ITGB1: variants seen among roughly 807,000 people sequenced by gnomAD.
The protein encoded by ITGB1 is integrin subunit beta 1.
In ITGB1, 24 loss-of-function variants were observed where a neutral mutation model predicts 86.5. That is an observed-to-expected ratio of 0.28 (90% confidence interval 0.20 to 0.39). The LOEUF (loss-of-function observed/expected upper bound fraction) is 0.39. Ranked by LOEUF, ITGB1 falls within the 10% of genes least tolerant of loss-of-function variation. The probability of loss-of-function intolerance (pLI) is 1.00; values close to 1 mark genes in which losing one functional copy is unlikely to be tolerated. For missense variants in ITGB1, 556 were observed against 946.9 expected (o/e 0.59, Z 5.42); for synonymous variants, 323 against 316.8 (o/e 1.02, Z -0.21).
intron 11 of ITGB1, among the ~76,000 whole-genome samples, chr10:32,916,512 T>C (rs934093004): frequency 3.3e-5 from 5 of 152,154 alleles, no homozygotes; most frequent in Admixed American, 3.3e-4. Context: ...CAAAAATCAA[T>C]GTGCAAAAAT....
intron 11 of ITGB1, among the ~76,000 whole-genome samples, chr10:32,913,890 G>A (rs1422021040): frequency 1.3e-5 from 2 of 152,096 alleles, no homozygotes; most frequent in Non-Finnish European, 2.9e-5. Context: ...TGAAATGAAG[G>A]AAAAAATGTT....
At chr10:32,930,452 G>A (rs1268681427) in intron 3 of ITGB1, among the ~76,000 whole-genome samples, 1 of 152,042 alleles carries the variant, frequency 6.6e-6, no homozygotes, top group Non-Finnish European at 1.5e-5. Flanking sequence ...ATATTATGTG[G>A]CACTCTCCCC....
chr10:32,916,563 C>A (rs1305504999), intron 11 of ITGB1, among the ~76,000 whole-genome samples: 1 of 152,026 alleles, frequency 6.6e-6, no homozygotes, highest in East Asian at 1.9e-4. Flanking sequence ...AAACAGAGAG[C>A]CAAATTATGG....
Position 32,908,470 on chromosome 10 carries a change from A to C in ITGB1, c.2229T>G (p.Ile743Met). 1 of 1,612,584 alleles carries C rather than the reference A, an allele frequency of 6.2e-7. No homozygotes were observed. Among genetic ancestry groups the C allele is most frequent in the Non-Finnish European group, 8.5e-7 (1 of 1,178,614 alleles). Residue 743 changes from isoleucine (I) to methionine (M), a missense_variant, in exon 15 of 16, where the codon ATT becomes ATG. By Grantham distance (10) the Ile-to-Met change is conservative (BLOSUM62 1). Coordinates refer to ENST00000302278, the MANE Select transcript of ITGB1 (RefSeq NM_002211.4). ...VAGVVAGIVL[I>M]GLALLLIWKL... ...TCCATATCAGCAGTAATGCAAGGCC[A>C]ATAAGAACAATTCCAGCAACCACAC...
chr10:32,940,871 C>T (rs1055917788), intron 1 of ITGB1, among the ~76,000 whole-genome samples: 3 of 152,242 alleles, frequency 2.0e-5, no homozygotes, highest in African/African-American at 7.2e-5. Flanking sequence ...TTGAACTCTA[C>T]TGGTTTCCCC....
At chr10:32,932,751 G>A (rs1288968411) in intron 2 of ITGB1, 151 bp from the exon 3 acceptor site, 1 of 549,330 alleles carries the variant, frequency 1.8e-6, no homozygotes, top group Non-Finnish European at 3.3e-6. Context: ...CCCAAAGAGA[G>A]CAGGATTTTT....
At chr10:32,913,026 C>T (rs527631850) in intron 11 of ITGB1, among the ~76,000 whole-genome samples, 9 of 152,326 alleles carry the variant, frequency 5.9e-5, no homozygotes, top group East Asian at 3.9e-4. Flanking sequence ...CTGCAGCCTC[C>T]GCTGGTGATA....
At chr10:32,946,754 G>C (rs1347280318) in intron 1 of ITGB1, among the ~76,000 whole-genome samples, 14 of 108,714 alleles carry the variant, frequency 1.3e-4, no homozygotes, top group East Asian at 1.1e-3. Flanking sequence ...ATTTCTGGGG[G>C]GGGGGGGGGG....
At chr10:32,951,819 T>C (rs2095043219) in intron 1 of ITGB1, 1 of 152,200 alleles carries the variant, frequency 6.6e-6, no homozygotes, top group Non-Finnish European at 1.5e-5. Context: ...TGGGGCAAGT[T>C]GTCAAAGATA....
At chr10:32,935,100 G>A (rs1053299078) in intron 2 of ITGB1, among the ~76,000 whole-genome samples, 1 of 152,198 alleles carries the variant, frequency 6.6e-6, no homozygotes, top group East Asian at 1.9e-4. Context: ...CAAAGAGTGA[G>A]AATGTCTTCT....
chr10:32,918,809 T>G (rs1208492650), intron 11 of ITGB1, among the ~76,000 whole-genome samples: 1 of 151,910 alleles, frequency 6.6e-6, no homozygotes, highest in African/African-American at 2.4e-5. Context: ...AATAAACACA[T>G]GCAAAAAAGT....
intron 11 of ITGB1, among the ~76,000 whole-genome samples, chr10:32,917,002 C>T (rs1267180431): frequency 6.6e-6 from 1 of 151,812 alleles, no homozygotes; most frequent in African/African-American, 2.4e-5. Flanking sequence ...AGATATAGAC[C>T]TATGGAACAG....
chr10:32,925,092 G>T (rs1426791602), intron 6 of ITGB1, among the ~76,000 whole-genome samples: 1 of 152,124 alleles, frequency 6.6e-6, no homozygotes, highest in African/African-American at 2.4e-5. Flanking sequence ...TAAAATCAAA[G>T]AAGGTCATCT....
At chr10:32,928,834 AAGG>A (rs763926559) in intron 4 of ITGB1, among the ~76,000 whole-genome samples, 1 of 151,918 alleles carries the variant, frequency 6.6e-6, no homozygotes, top group African/African-American at 2.4e-5. Flanking sequence ...AGAGATGATG[AAGG>A]AGGAGAAGAG....
chr10:32,928,247 T>C lies in ITGB1; in HGVS notation c.394A>G (p.Thr132Ala), dbSNP rs1297408113. 1.1e-6 allele frequency: 1 copy of C among 885,136 alleles called. No individual in the cohort carries two copies. Among genetic ancestry groups the C allele is most frequent in the Admixed American group, 1.8e-5 (1 of 56,754 alleles). 54.8% of individuals were successfully genotyped at this position (885,136 alleles called of 1,614,324 possible). ...RLRSGEPQTF[T>A]LKFKRAEDYP... ...TCTTCAGCTCTCTTGAATTTTAATG[T>C]AAATGTCTGTGGCTCCCCTAATTAG... Residue 132 changes from threonine to alanine, a missense_variant, in exon 5 of 16, where the codon ACA (threonine) becomes GCA (alanine). Around this residue, in one of 4 missense-constraint regions of ITGB1, gnomAD observed 183 missense variants for 263.9 expected, o/e 0.69. Transcript: ENST00000302278.
chr10:32,947,989 G>T (rs2095035304), intron 1 of ITGB1, among the ~76,000 whole-genome samples: 1 of 150,006 alleles, frequency 6.7e-6, no homozygotes, highest in African/African-American at 2.4e-5. Flanking sequence ...ATTGAATAAA[G>T]AAGTAACTAT....
intron 15 of ITGB1, among the ~76,000 whole-genome samples, chr10:32,906,090 C>G (rs1220023859): frequency 2.0e-5 from 3 of 151,882 alleles, no homozygotes; most frequent in Non-Finnish European, 4.4e-5. Flanking sequence ...AATATACATA[C>G]ATATATATGG....
At chr10:32,953,233 C>T (rs772233011) in intron 1 of ITGB1, among the ~76,000 whole-genome samples, 6 of 152,196 alleles carry the variant, frequency 3.9e-5, no homozygotes, top group African/African-American at 9.7e-5. Context: ...GGGAATATTA[C>T]ATGGTACAGT....
chr10:32,927,927 T>A (rs925089470), intron 5 of ITGB1, among the ~76,000 whole-genome samples, 167 bp downstream of exon 5: 1 of 152,168 alleles, frequency 6.6e-6, no homozygotes, highest in Non-Finnish European at 1.5e-5. Context: ...CAGAAAAGAT[T>A]ATTAAACGTG....
Sources: gnomAD v4.1 joint callset for allele counts (sites outside exome capture counted in the v4.1 genomes callset) on GRCh38, gnomAD v4.1.1 for gene constraint, gnomAD v4.1.1 regional missense constraint, MANE v1.5 for transcripts, NCBI Gene and HGNC (gene_info 2026-07-23, HGNC 2026-07-21) for gene names.